The following PTPRD variants were observed in gnomAD, a reference collection of about 807,000 sequenced individuals.
PTPRD encodes receptor-type tyrosine-protein phosphatase delta.
PTPRD carries 34 observed loss-of-function variants against 214.5 expected under a neutral mutation model. The observed-to-expected ratio is 0.16, with a 90% CI of 0.12 to 0.21. PTPRD has a LOEUF of 0.21. Among genes scored for constraint, PTPRD ranks in the 10% least tolerant of loss-of-function variants. PTPRD has a pLI of 1.00. For missense variants in PTPRD, 2,545 were observed against 2,398.7 expected, an observed-to-expected ratio of 1.06 and a Z score of -1.27; for synonymous variants, 1,128 against 845.7, an observed-to-expected ratio of 1.33 and a Z score of -5.79.
At chr9:9,352,056 C>G (rs2051415285) in intron 9 of PTPRD, among the ~76,000 whole-genome samples, 1 of 151,864 alleles carries the variant, frequency 6.6e-6, no homozygotes, top group South Asian at 2.1e-4. Context: ...AATCCTCCTG[C>G]CTTGACTTCC....
At chr9:8,794,633 G>C (rs927736235) in intron 11 of PTPRD, among the ~76,000 whole-genome samples, 3 of 151,210 alleles carry the variant, frequency 2.0e-5, no homozygotes, top group Non-Finnish European at 2.9e-5. Flanking sequence ...CATGTGTCAT[G>C]GCCCCCAGCA....
intron 7 of PTPRD, among the ~76,000 whole-genome samples, chr9:9,654,463 C>T (rs2096458971): frequency 6.6e-6 from 1 of 151,712 alleles, no homozygotes; most frequent in Middle Eastern, 3.2e-3. Context: ...CACACATTAC[C>T]CAGAGCACAC....
chr9:9,950,722 CAAAAAAAAAAAAAAAAAA>C (rs922771507), intron 4 of PTPRD, among the ~76,000 whole-genome samples: 62 of 2,658 alleles, frequency 0.023, 8 homozygotes, highest in African/African-American at 0.18. Context: ...GACTCCGTCT[CAAAAAAAAAAAAAAAAAA>C]AAAAAAAAAA....
intron 5 of PTPRD, among the ~76,000 whole-genome samples, chr9:9,821,988 A>G (rs1054571263): frequency 6.6e-6 from 1 of 150,922 alleles, no homozygotes; most frequent in Non-Finnish European, 1.5e-5. Context: ...CAAATCTGTG[A>G]CTGAAGTCTT....
intron 3 of PTPRD, among the ~76,000 whole-genome samples, chr9:10,286,112 A>G (rs924817673): frequency 6.6e-6 from 1 of 152,234 alleles, no homozygotes; most frequent in Non-Finnish European, 1.5e-5. Flanking sequence ...AAATCCATAC[A>G]TAACAATTAT....
chr9:9,858,598 G>C (rs1450336897), intron 5 of PTPRD, among the ~76,000 whole-genome samples: 1 of 152,182 alleles, frequency 6.6e-6, no homozygotes, highest in Non-Finnish European at 1.5e-5. Context: ...ACATGAAGCA[G>C]CAGTTAGCCA....
intron 5 of PTPRD, among the ~76,000 whole-genome samples, chr9:9,815,680 T>C (rs765521443): frequency 6.6e-6 from 1 of 152,046 alleles, no homozygotes; most frequent in South Asian, 2.1e-4. Flanking sequence ...ATCACTTATA[T>C]GTGGAATCTA....
intron 8 of PTPRD, among the ~76,000 whole-genome samples, chr9:9,521,798 T>C (rs997212856): frequency 2.0e-5 from 3 of 152,266 alleles, no homozygotes; most frequent in East Asian, 1.9e-4. Context: ...GTGGTACTAA[T>C]TGCACTGCAA....
chr9:10,056,783 G>A (rs7040464), intron 3 of PTPRD, among the ~76,000 whole-genome samples: 3,699 of 152,178 alleles, frequency 0.024, 150 homozygotes, highest in African/African-American at 0.084. Context: ...GTTATATCAT[G>A]GGAATAAATT....
intron 6 of PTPRD, among the ~76,000 whole-genome samples, chr9:9,740,061 C>T (rs1242388939): frequency 2.0e-5 from 3 of 152,072 alleles, no homozygotes; most frequent in African/African-American, 4.8e-5. Flanking sequence ...TTGAAACTTG[C>T]CTTATGATTC....
intron 12 of PTPRD, among the ~76,000 whole-genome samples, chr9:8,705,740 T>A (rs1270391949): frequency 6.6e-6 from 1 of 152,246 alleles, no homozygotes; most frequent in African/African-American, 2.4e-5. Context: ...AATGTCTTTA[T>A]AATTATGTAT....
At chr9:9,462,451 TTA>T (rs747201216) in intron 8 of PTPRD, among the ~76,000 whole-genome samples, 2 of 152,178 alleles carry the variant, frequency 1.3e-5, no homozygotes, top group Non-Finnish European at 2.9e-5. Context: ...TGTCATAAAA[TTA>T]TATGTTTAAC....
At chr9:9,179,916 T>C (rs1008631716) in intron 10 of PTPRD, among the ~76,000 whole-genome samples, 2 of 152,110 alleles carry the variant, frequency 1.3e-5, no homozygotes, top group African/African-American at 4.8e-5. Context: ...GTAAATGTCA[T>C]ATATGTACAA....
chr9:10,120,597 GA>G (rs2098766749), intron 3 of PTPRD, among the ~76,000 whole-genome samples: 1 of 151,880 alleles, frequency 6.6e-6, no homozygotes, highest in Non-Finnish European at 1.5e-5. Context: ...GACACTTAGA[GA>G]AATATTAAAT....
chr9:8,315,612 CTAGA>C lies in PTPRD; in HGVS notation c.*2258_*2261del, dbSNP rs1821217509. ...GAGAGTCTCATTCTGAGGTAGCCTTCTAGATACTTTTTTTTAGTATTATATATAT... is the reference window on the plus strand; with the variant it reads ...GAGAGTCTCATTCTGAGGTAGCCTTCTACTTTTTTTTAGTATTATATATAT... On this transcript the variant is annotated 3_prime_UTR_variant, in exon 46 of 46. Coordinates refer to ENST00000381196, the MANE Select transcript of PTPRD (RefSeq NM_002839.4). 4.4e-6 allele frequency: 1 copy of C among 229,460 alleles called. No homozygotes were observed. The highest frequency in any genetic ancestry group is 2.2e-5 in the African/African-American group (1 of 45,074). 14.2% of individuals were successfully genotyped at this position (229,460 alleles called of 1,614,324 possible). A position where few individuals can be genotyped will look rare whatever the true frequency, so the allele number is the denominator to read the frequency against.
intron 2 of PTPRD, among the ~76,000 whole-genome samples, chr9:10,502,921 T>C (rs1391623897): frequency 6.6e-6 from 1 of 152,060 alleles, no homozygotes; most frequent in Non-Finnish European, 1.5e-5. Flanking sequence ...CTCTAAAACA[T>C]ACATAGCAGA....
chr9:9,832,720 G>T (rs568910654), intron 5 of PTPRD, among the ~76,000 whole-genome samples: 1 of 151,984 alleles, frequency 6.6e-6, no homozygotes, highest in South Asian at 2.1e-4. Flanking sequence ...CCTATCAGTG[G>T]AACATAACCT....
chr9:10,337,999 C>T (rs779322654), intron 3 of PTPRD, among the ~76,000 whole-genome samples: 17 of 151,452 alleles, frequency 1.1e-4, no homozygotes, highest in Admixed American at 7.9e-4. Flanking sequence ...TTGGGAAAAA[C>T]GCAAACTTTT....
chr9:9,384,974 T>G (rs553117923), intron 9 of PTPRD, among the ~76,000 whole-genome samples: 8 of 152,290 alleles, frequency 5.3e-5, no homozygotes, highest in Middle Eastern at 3.4e-3. Flanking sequence ...ATATATCATT[T>G]TTTCTAAACA....
Sources: gnomAD v4.1 joint callset for allele counts (sites outside exome capture counted in the v4.1 genomes callset) on GRCh38, gnomAD v4.1.1 for gene constraint, MANE v1.5 for transcripts, NCBI Gene and HGNC (gene_info 2026-07-23, HGNC 2026-07-21) for gene names.